The following TMCO4 variants were observed in gnomAD, a reference collection of about 807,000 sequenced individuals.
TMCO4 encodes the protein transmembrane and coiled-coil domains 4, also known as transmembrane and coiled-coil domain-containing protein 4.
TMCO4 carries 58 observed loss-of-function variants against 64.7 expected under a neutral mutation model. The observed-to-expected ratio is 0.90, with a 90% CI of 0.73 to 1.12. The LOEUF is 1.12. Ranked by LOEUF, TMCO4 falls within the 50% of genes most tolerant of loss-of-function variation. TMCO4 has a pLI of 0.00. For synonymous variants in TMCO4, 325 were observed against 346.1 expected, an observed-to-expected ratio of 0.94 and a Z score of 0.68; for missense variants, 780 against 825.9, an observed-to-expected ratio of 0.94 and a Z score of 0.68.
chr1:19,725,855 G>A (rs3929669), intron 13 of TMCO4, among the ~76,000 whole-genome samples: 21,254 of 152,168 alleles, frequency 0.14, 1,563 homozygotes, highest in Middle Eastern at 0.2. Flanking sequence ...GGAGCGGGCC[G>A]AGCACAGCGT....
chr1:19,775,802 G>A (rs1008714659), intron 4 of TMCO4, among the ~76,000 whole-genome samples: 1 of 152,232 alleles, frequency 6.6e-6, no homozygotes, highest in African/African-American at 2.4e-5. Context: ...ATGTTTTAGA[G>A]GGTTGCTTTT....
chr1:19,759,921 T>C lies in TMCO4; in HGVS notation c.383-4155A>G, dbSNP rs367583318. Among the ~76,000 whole-genome samples the C allele has an allele frequency of 1.5e-4, 23 of 152,340 alleles. No individual in the cohort carries two copies. In the East Asian group the frequency reaches 3.7e-3, roughly 24 times the overall value. On this transcript the variant is annotated intron_variant, in intron 6 of 15. Transcript: ENST00000294543. ...TGCATAGTTAAGATGTGTTGAGTCA[T>C]GAGCTGACCAAAGTTCTCTCTTGCC...
intron 2 of TMCO4, among the ~76,000 whole-genome samples, chr1:19,797,725 A>G (rs1308281903): frequency 6.6e-6 from 1 of 151,812 alleles, no homozygotes; most frequent in African/African-American, 2.4e-5. Context: ...TCAGCCGGGC[A>G]TGATGGTGGG....
intron 6 of TMCO4, among the ~76,000 whole-genome samples, chr1:19,765,628 T>C (rs961609598): frequency 6.6e-6 from 1 of 152,058 alleles, no homozygotes; most frequent in Non-Finnish European, 1.5e-5. Flanking sequence ...TCAGATTTAG[T>C]TTAACTTTCA....
intron 13 of TMCO4, among the ~76,000 whole-genome samples, chr1:19,716,574 A>G (rs138601257): frequency 2.1e-3 from 322 of 151,826 alleles, no homozygotes; most frequent in African/African-American, 7.5e-3. Flanking sequence ...AGGGACAGAT[A>G]AAGGGTCAGT....
intron 2 of TMCO4, among the ~76,000 whole-genome samples, chr1:19,796,667 C>T (rs968205085): frequency 6.6e-6 from 1 of 152,068 alleles, no homozygotes; most frequent in East Asian, 1.9e-4. Flanking sequence ...CTCCACCTCC[C>T]GGATTCAAGC....
At chr1:19,716,687 C>A (rs543404542) in intron 13 of TMCO4, among the ~76,000 whole-genome samples, 1 of 152,120 alleles carries the variant, frequency 6.6e-6, no homozygotes, top group African/African-American at 2.4e-5. Flanking sequence ...GCTCCCTGCA[C>A]CTGCTCTCTC....
intron 13 of TMCO4, among the ~76,000 whole-genome samples, chr1:19,705,234 T>G (rs1480675362): frequency 6.6e-6 from 1 of 152,046 alleles, no homozygotes; most frequent in Non-Finnish European, 1.5e-5. Context: ...ATGGATCACC[T>G]GAGGTCAGGA....
Position 19,746,503 on chromosome 1 carries a change from A to G in TMCO4, c.710T>C (p.Ile237Thr). Residue 237 changes from isoleucine to threonine, a missense_variant, in exon 9 of 16, where the codon ATA becomes ACA. Coordinates refer to ENST00000294543, the MANE Select transcript of TMCO4 (RefSeq NM_181719.7). ...GAAALGSAAGIAIMTSLFGAA... is the reference protein window; with the variant it reads ...GAAALGSAAGTAIMTSLFGAA... ...ACCAAACAGCGAGGTCATGATGGCT[A>G]TGCCGGCTGCTGAGCCCAGAGCCGC... is the stretch of plus-strand genomic sequence containing the variant. The G allele has an allele frequency of 6.2e-7, 1 of 1,612,756 alleles. No homozygotes were observed. The highest frequency in any genetic ancestry group is 1.1e-5 in the South Asian group (1 of 90,726).
At chr1:19,711,668 T>A (rs1340376349) in intron 13 of TMCO4, among the ~76,000 whole-genome samples, 4 of 152,010 alleles carry the variant, frequency 2.6e-5, no homozygotes, top group African/African-American at 9.7e-5. Flanking sequence ...TTTTGCTTTT[T>A]TTTTTTGAGA....
intron 2 of TMCO4, among the ~76,000 whole-genome samples, chr1:19,788,185 G>A (rs2043839839): frequency 6.6e-6 from 1 of 152,210 alleles, no homozygotes; most frequent in South Asian, 2.1e-4. Flanking sequence ...GCATGAGAAT[G>A]TACCTGTACT....
chr1:19,770,930 G>A (rs2042952623), intron 5 of TMCO4, among the ~76,000 whole-genome samples: 1 of 152,174 alleles, frequency 6.6e-6, no homozygotes, highest in East Asian at 1.9e-4. Flanking sequence ...AAGAATGCGG[G>A]CTCTGGAGTC....
At chr1:19,759,101 CAAA>C (rs1163885215) in intron 6 of TMCO4, among the ~76,000 whole-genome samples, 38 of 21,208 alleles carry the variant, frequency 1.8e-3, no homozygotes, top group African/African-American at 4.5e-3. Flanking sequence ...GACTCGGTCT[CAAA>C]AAAAAAAAAA....
intron 13 of TMCO4, among the ~76,000 whole-genome samples, chr1:19,707,650 G>T (rs1422952498): frequency 6.6e-6 from 1 of 152,094 alleles, no homozygotes; most frequent in African/African-American, 2.4e-5. Context: ...CTTGAAGTCT[G>T]CCTGGGCACA....
At chr1:19,768,226 G>A (rs1264220055) in intron 6 of TMCO4, among the ~76,000 whole-genome samples, 2 of 152,052 alleles carry the variant, frequency 1.3e-5, no homozygotes, top group African/African-American at 2.4e-5. Context: ...AGCCCTTAGC[G>A]CCATGCCTGC....
chr1:19,717,488 G>A (rs1045422588), intron 13 of TMCO4, among the ~76,000 whole-genome samples: 1 of 152,220 alleles, frequency 6.6e-6, no homozygotes, highest in African/African-American at 2.4e-5. Flanking sequence ...CAGGGCCTGA[G>A]TCCAGGTCTC....
intron 13 of TMCO4, among the ~76,000 whole-genome samples, chr1:19,704,738 A>AGCAG (rs2095293547): frequency 6.6e-6 from 1 of 152,136 alleles, no homozygotes; most frequent in African/African-American, 2.4e-5. Flanking sequence ...CGGTGGTAAT[A>AGCAG]GCAGCATTCC....
chr1:19,777,865 T>A (rs1443753174), intron 4 of TMCO4, among the ~76,000 whole-genome samples: 1 of 152,122 alleles, frequency 6.6e-6, no homozygotes, highest in East Asian at 1.9e-4. Context: ...ATTGTGAGAC[T>A]CTGTCTCTAG....
rs2095446272 is a variant in TMCO4 at position 19,734,783 on chromosome 1, C to A, written c.1264+2589G>T. On this transcript the variant is annotated intron_variant, in intron 13 of 15. Transcript: ENST00000294543. This position sits in a 1 kb window ranked among gnomAD's most constrained non-coding sequence, Gnocchi z 4.4. ...GGGCTCCAGGGCCAGACTCCCTGGG[C>A]CTGAATCCTGGCTCTGGCACTTAGG... Among the ~76,000 whole-genome samples the A allele has an allele frequency of 6.6e-6, 1 of 152,128 alleles. No individual in the cohort carries two copies.
Sources: allele counts gnomAD v4.1 joint callset (sites outside exome capture counted in the v4.1 genomes callset), GRCh38; gene constraint gnomAD v4.1.1; non-coding constraint Gnocchi (gnomAD v3.1); transcripts MANE v1.5; gene names NCBI Gene and HGNC (gene_info 2026-07-23, HGNC 2026-07-21).